The following MAPKAPK2 variants were observed in gnomAD, a reference collection of about 807,000 sequenced individuals.
The protein encoded by MAPKAPK2 is MAPK activated protein kinase 2, also known as MAP kinase-activated protein kinase 2.
In MAPKAPK2, 9 loss-of-function variants were observed where a neutral mutation model predicts 48.8. The ratio of observed to expected loss-of-function variants is 0.18; its 90% CI spans 0.11 to 0.32. MAPKAPK2 has a LOEUF of 0.32. Among genes scored for constraint, MAPKAPK2 ranks in the 10% least tolerant of loss-of-function variants. MAPKAPK2 has a pLI of 1.00. For synonymous variants in MAPKAPK2, 202 were observed against 190.6 expected (o/e 1.06, Z -0.49); for missense variants, 331 against 498.3 (o/e 0.66, Z 3.20).
In MAPKAPK2 at chr1:206,733,037, C is replaced by T. The variant is rs1032670549; in HGVS notation, c.*319C>T. The T allele has an allele frequency of 9.8e-5, 29 of 294,850 alleles. No individual in the cohort carries two copies. In the East Asian group the frequency reaches 1.5e-3, roughly 15 times the overall value. The allele number at this position is 294,850 out of a possible 1,614,324, so 18.3% of individuals were successfully genotyped here. A position where few individuals can be genotyped will look rare whatever the true frequency, so the allele number is the denominator to read the frequency against. On this transcript the variant is annotated 3_prime_UTR_variant, in exon 10 of 10. Transcript: ENST00000367103. ...CCTTGCCCCACTCCTCTCCACCAGA[C>T]GCCTTCCTCTCTGGATACTGCAAAG...
At chr1:206,686,435 T>C (rs1672290852) in intron 1 of MAPKAPK2, among the ~76,000 whole-genome samples, 1 of 152,164 alleles carries the variant, frequency 6.6e-6, no homozygotes, top group South Asian at 2.1e-4. Context: ...TTAAACACAA[T>C]GGACTGGGAG....
At chr1:206,700,765 C>T (rs1356709818) in intron 1 of MAPKAPK2, among the ~76,000 whole-genome samples, 2 of 152,180 alleles carry the variant, frequency 1.3e-5, no homozygotes, top group African/African-American at 2.4e-5. Context: ...GACTTCTATA[C>T]CCTAGTAGAG....
chr1:206,714,478 G>C (rs1478814235), intron 1 of MAPKAPK2, among the ~76,000 whole-genome samples: 1 of 152,104 alleles, frequency 6.6e-6, no homozygotes, highest in East Asian at 1.9e-4. Context: ...AAACAAAAGT[G>C]CCGGCTGGAC....
chr1:206,720,708 C>G (rs1371525337), intron 1 of MAPKAPK2, among the ~76,000 whole-genome samples: 1 of 152,096 alleles, frequency 6.6e-6, no homozygotes, highest in Non-Finnish European at 1.5e-5. Context: ...ATCCATAGAG[C>G]ACTGAGTTTA....
rs539375813 is a variant in MAPKAPK2, at chr1:206,732,118, A to G, written c.1059+199A>G. 1.7e-5 allele frequency: 27 copies of G among 1,614,062 alleles called. No homozygotes were observed. In the South Asian group the frequency reaches 3.0e-4, roughly 18 times the overall value. On this transcript the variant is annotated intron_variant, in intron 9 of 9. Transcript: ENST00000367103. The surrounding 1 kb of genome is among the most constrained non-coding windows in gnomAD (Gnocchi z 4.4). Reference sequence around the variant, plus strand: ...CAGAGGATTCTGTGTTCCTGTCCAAACTCAGTGCTGTTTCTTAGAATCCTT... The same window carrying G: ...CAGAGGATTCTGTGTTCCTGTCCAAGCTCAGTGCTGTTTCTTAGAATCCTT...
intron 1 of MAPKAPK2, among the ~76,000 whole-genome samples, chr1:206,728,385 CCTG>C (rs1673778606): frequency 6.6e-6 from 1 of 152,156 alleles, no homozygotes; most frequent in African/African-American, 2.4e-5. Flanking sequence ...CCCTTCACCC[CCTG>C]CTTCCCAGTA....
At chr1:206,696,844 G>A (rs1183844992) in intron 1 of MAPKAPK2, among the ~76,000 whole-genome samples, 2 of 152,184 alleles carry the variant, frequency 1.3e-5, no homozygotes, top group Admixed American at 1.3e-4. Context: ...TCAGAGTCAG[G>A]GACTGTGGCA....
Position 206,731,320 on chromosome 1 carries a change from A to ATG in MAPKAPK2, c.892+64_892+65dup, listed in dbSNP as rs1673903999. 10 of 1,253,478 alleles carry ATG rather than the reference A, an allele frequency of 8.0e-6. No homozygotes were observed. The highest frequency in any genetic ancestry group is 1.1e-5 in the Non-Finnish European group (10 of 922,104). The allele number at this position is 1,253,478 out of a possible 1,614,324, so 77.6% of individuals were successfully genotyped here. A position where few individuals can be genotyped will look rare whatever the true frequency, so the allele number is the denominator to read the frequency against. On this transcript the variant is annotated intron_variant, in intron 7 of 9. Transcript: ENST00000367103. This position sits in a 1 kb window ranked among gnomAD's most constrained non-coding sequence, Gnocchi z 5.9. The stretch of plus-strand genomic sequence containing the variant: ...AGCCCGTGTGTGTGTGTGTGTGTGT[A>ATG]TGTGTGTACACGCAGACACATGTAT...
At chr1:206,730,792 G>C in intron 6 of MAPKAPK2, 29 bp downstream of exon 6, 1 of 1,511,472 alleles carries the variant, frequency 6.6e-7, no homozygotes, top group Non-Finnish European at 9.2e-7. Context: ...GGGCTGGGTG[G>C]GGCAGGGAGT....
chr1:206,700,980 G>C (rs1672775783), intron 1 of MAPKAPK2, among the ~76,000 whole-genome samples: 2 of 152,226 alleles, frequency 1.3e-5, no homozygotes, highest in African/African-American at 4.8e-5. Flanking sequence ...CCTTGGGGGT[G>C]AGAGTTTTTG....
chr1:206,731,697 C>A lies in MAPKAPK2; in HGVS notation c.950C>A (p.Thr317Asn). The A allele has an allele frequency of 6.2e-7, 1 of 1,614,158 alleles. No individual in the cohort carries two copies. The highest frequency in any genetic ancestry group is 8.5e-7 in the Non-Finnish European group (1 of 1,180,024). Residue 317 changes from threonine (T) to asparagine (N), a missense_variant, in exon 8 of 10, where the codon ACC (threonine) becomes AAC (asparagine). Thr to Asn is a moderately conservative substitution (Grantham distance 65). Around this residue, in one of 4 missense-constraint regions of MAPKAPK2, gnomAD observed 124 missense variants for 194.6 expected, o/e 0.64. Coordinates refer to ENST00000367103, the MANE Select transcript of MAPKAPK2 (RefSeq NM_032960.4). This position sits in a 1 kb window ranked among gnomAD's most constrained non-coding sequence, Gnocchi z 5.9. ...GAGCCCACCCAGAGAATGACCATCA[C>A]CGAGTTTATGAACCACCCTTGGATC... ...KTEPTQRMTI[T>N]EFMNHPWIMQ...
Position 206,732,630 on chromosome 1 carries a change from T to TA in MAPKAPK2, c.1121dup (p.Ile375AspfsTer2), listed in dbSNP as rs1553432912. The TA allele has an allele frequency of 6.2e-7, 1 of 1,614,066 alleles. No homozygotes were observed. The highest frequency in any genetic ancestry group is 8.5e-7 in the Non-Finnish European group (1 of 1,180,004). On this transcript the variant is annotated frameshift_variant, in exon 10 of 10. Coordinates refer to ENST00000367103, the MANE Select transcript of MAPKAPK2 (RefSeq NM_032960.4). LOFTEE classifies it high-confidence loss of function. The surrounding 1 kb of genome is among the most constrained non-coding windows in gnomAD (Gnocchi z 4.4). The stretch of plus-strand genomic sequence containing the variant: ...CGCGTTGACTACGAGCAGATCAAGA[T>TA]AAAAAAGATTGAAGATGCATCCAAC...
intron 1 of MAPKAPK2, among the ~76,000 whole-genome samples, chr1:206,691,371 A>AG (rs1316066939): frequency 6.6e-6 from 1 of 151,748 alleles, no homozygotes; most frequent in Non-Finnish European, 1.5e-5. Context: ...GGTGAAGAGA[A>AG]GGGGCCATGT....
intron 1 of MAPKAPK2, among the ~76,000 whole-genome samples, chr1:206,709,443 T>C (rs1673070995): frequency 6.6e-6 from 1 of 152,190 alleles, no homozygotes; most frequent in Non-Finnish European, 1.5e-5. Flanking sequence ...AGAGTGTGGG[T>C]GCATTTGGAT....
chr1:206,730,782 G>C lies in MAPKAPK2; in HGVS notation c.767+19G>C, dbSNP rs1338240300. On this transcript the variant is annotated intron_variant, in intron 6 of 9. Coordinates refer to ENST00000367103, the MANE Select transcript of MAPKAPK2 (RefSeq NM_032960.4). ...ACATCCTGTGAGTGTGCTGGGGAGGGGGCTGGGTGGGGCAGGGAGTCAGGG... is the reference window on the plus strand; with the variant it reads ...ACATCCTGTGAGTGTGCTGGGGAGGCGGCTGGGTGGGGCAGGGAGTCAGGG... 1.3e-6 allele frequency: 2 copies of C among 1,551,472 alleles called. No homozygotes were observed. The highest frequency in any genetic ancestry group is 1.8e-6 in the Non-Finnish European group (2 of 1,122,898).
intron 6 of MAPKAPK2, 133 bp downstream of exon 6, chr1:206,730,896 G>C (rs1043514561): frequency 1.9e-6 from 2 of 1,037,182 alleles, no homozygotes; most frequent in Admixed American, 4.0e-5. Flanking sequence ...CCTTCTCTCA[G>C]TTCCGATAGC....
At chr1:206,720,602 G>GC (rs1553431076) in intron 1 of MAPKAPK2, among the ~76,000 whole-genome samples, 1 of 152,078 alleles carries the variant, frequency 6.6e-6, no homozygotes, top group Non-Finnish European at 1.5e-5. Context: ...CAAGTAATCT[G>GC]CCCCCCTTGG....
At position 206,685,223 on chromosome 1, in the gene MAPKAPK2, G is replaced by A; in HGVS notation, c.-7G>A. On this transcript the variant is annotated 5_prime_UTR_variant, in exon 1 of 10. Coordinates refer to ENST00000367103, the MANE Select transcript of MAPKAPK2 (RefSeq NM_032960.4). ...CCCCCGCCTGTGCCCCGGCGTCCCC[G>A]GGCACCATGCTGTCCAACTCCCAGG... 3 of 404,758 alleles carry A rather than the reference G, an allele frequency of 7.4e-6. No homozygotes were observed. The highest frequency in any genetic ancestry group is 6.1e-5 in the East Asian group (1 of 16,502). 25.1% of individuals were successfully genotyped at this position (404,758 alleles called of 1,614,324 possible).
chr1:206,691,482 G>GATATAT (rs56752335), intron 1 of MAPKAPK2, among the ~76,000 whole-genome samples: 2,637 of 77,130 alleles, frequency 0.034, 268 homozygotes, highest in African/African-American at 0.097. Flanking sequence ...TGTATTTTAA[G>GATATAT]ATATATATAT....
Sources: allele counts gnomAD v4.1 joint callset (sites outside exome capture counted in the v4.1 genomes callset), GRCh38; gene constraint gnomAD v4.1.1; regional missense constraint gnomAD v4.1.1; non-coding constraint Gnocchi (gnomAD v3.1); transcripts MANE v1.5; gene names NCBI Gene and HGNC (gene_info 2026-07-23, HGNC 2026-07-21).